The following CNTN2 variants were observed in gnomAD, a reference collection of about 807,000 sequenced individuals.
CNTN2 encodes contactin 2, also known as contactin-2.
In CNTN2, 53 loss-of-function variants were observed where a neutral mutation model predicts 117.5. That is an observed-to-expected ratio of 0.45 (90% confidence interval 0.36 to 0.57). CNTN2 has a LOEUF of 0.57. Ranked by LOEUF, CNTN2 falls within the 20% of genes least tolerant of loss-of-function variation. The pLI, the probability that CNTN2 is intolerant of heterozygous loss-of-function variation, is 0.00. For missense variants in CNTN2, 1,106 were observed against 1,404.3 expected (o/e 0.79, Z 3.39); for synonymous variants, 530 against 561.7 (o/e 0.94, Z 0.80).
At chr1:205,044,909 G>C (rs919461272) in intron 1 of CNTN2, among the ~76,000 whole-genome samples, 1 of 152,208 alleles carries the variant, frequency 6.6e-6, no homozygotes, top group Non-Finnish European at 1.5e-5. Context: ...GTGCCCACCA[G>C]TTAACCCCTT....
chr1:205,065,209 G>T lies in CNTN2; in HGVS notation c.1642G>T (p.Asp548Tyr). The change falls in exon 13 of 23, where the codon GAC becomes TAC. Residue 548 changes from aspartate to tyrosine, a missense_variant. Asp to Tyr is a radical substitution (Grantham distance 160). Coordinates refer to ENST00000331830, the MANE Select transcript of CNTN2 (RefSeq NM_005076.5). This position sits in a 1 kb window ranked among gnomAD's most constrained non-coding sequence, Gnocchi z 4.1. ...CCTCACCTTCACCTGGACCCTGGAC[G>T]ACTTCCCCATCGACTTTGATAAGCC... ...MDLTFTWTLD[D>Y]FPIDFDKPGG... The T allele has an allele frequency of 6.2e-7, 1 of 1,614,070 alleles. No homozygotes were observed. Among genetic ancestry groups the T allele is most frequent in the Non-Finnish European group, 8.5e-7 (1 of 1,180,018 alleles).
Position 205,053,893 on chromosome 1 carries a change from C to T in CNTN2, c.70+638C>T, listed in dbSNP as rs569649501. Among the ~76,000 whole-genome samples, 651 of 147,140 alleles carry T rather than the reference C, an allele frequency of 4.4e-3. 9 individuals are homozygous for T. Among genetic ancestry groups the T allele is most frequent in the African/African-American group, 0.015 (609 of 40,998 alleles). Reference sequence around the variant, plus strand: ...GGAAGAGATGCGGCAGACGAGGGAGCTGAGGTTCTCCTCCCAGGGGAGCTT... The same window carrying T: ...GGAAGAGATGCGGCAGACGAGGGAGTTGAGGTTCTCCTCCCAGGGGAGCTT... On this transcript the variant is annotated intron_variant, in intron 2 of 22. Coordinates refer to ENST00000331830, the MANE Select transcript of CNTN2 (RefSeq NM_005076.5).
rs764065990 is a variant in CNTN2, at chr1:205,058,366, G to T, written c.391+10G>T. ...ATCCTCCGCTTCGGCTGTGAGACCC[G>T]CGGGGGACCAAGACACTTTGGGGGA... On this transcript the variant is annotated intron_variant, in intron 4 of 22. Coordinates refer to ENST00000331830, the MANE Select transcript of CNTN2 (RefSeq NM_005076.5). The surrounding 1 kb of genome is among the most constrained non-coding windows in gnomAD (Gnocchi z 4.3). 2.6e-6 allele frequency: 4 copies of T among 1,530,140 alleles called. No homozygotes were observed. The highest frequency in any genetic ancestry group is 3.5e-6 in the Non-Finnish European group (4 of 1,136,702). The allele number at this position is 1,530,140 out of a possible 1,614,324, so 94.8% of individuals were successfully genotyped here.
Position 205,073,269 on chromosome 1 carries a change from G to A in CNTN2, c.3013+33G>A. The A allele has an allele frequency of 6.2e-7, 1 of 1,607,508 alleles. No homozygotes were observed. Among genetic ancestry groups the A allele is most frequent in the South Asian group, 1.1e-5 (1 of 90,582 alleles). On this transcript the variant is annotated intron_variant, in intron 22 of 22. Transcript: ENST00000331830. This position sits in a 1 kb window ranked among gnomAD's most constrained non-coding sequence, Gnocchi z 6.3. ...TCCTCCCCTACCCTTATCCCCTCGA[G>A]AGATTCAGGATCCACCCAGATACCT...
In CNTN2 at chr1:205,043,273, G is replaced by C. The variant is rs1447907647; in HGVS notation, c.-208G>C. 1 of 152,672 alleles carries C rather than the reference G, an allele frequency of 6.5e-6. No individual in the cohort carries two copies. The highest frequency in any genetic ancestry group is 2.4e-5 in the African/African-American group (1 of 41,440). 9.5% of individuals were successfully genotyped at this position (152,672 alleles called of 1,614,324 possible). A position where few individuals can be genotyped will look rare whatever the true frequency, so the allele number is the denominator to read the frequency against. ...CCGCCGCCGCACCCGGACAGCGAGC[G>C]GCTGAGGCCGCCAGGGCCCAAAGGA... On this transcript the variant is annotated 5_prime_UTR_variant, in exon 1 of 23. Coordinates refer to ENST00000331830, the MANE Select transcript of CNTN2 (RefSeq NM_005076.5).
At position 205,074,515 on chromosome 1, in the gene CNTN2, C is replaced by G. The variant is rs778011245; in HGVS notation, c.*750C>G. 5.3e-5 allele frequency: 21 copies of G among 398,162 alleles called. No individual in the cohort carries two copies. The highest frequency in any genetic ancestry group is 8.8e-5 in the Non-Finnish European group (20 of 226,118). 24.7% of individuals were successfully genotyped at this position (398,162 alleles called of 1,614,324 possible). A position where few individuals can be genotyped will look rare whatever the true frequency, so the allele number is the denominator to read the frequency against. On this transcript the variant is annotated 3_prime_UTR_variant, in exon 23 of 23. Transcript: ENST00000331830. ...GTCACAACCCAGGTGACGATGCCCT[C>G]TCAGCCAACACTGCCAACCTGACCC...
intron 2 of CNTN2, among the ~76,000 whole-genome samples, chr1:205,055,035 A>G (rs1173893263): frequency 6.6e-6 from 1 of 151,700 alleles, no homozygotes. Context: ...TGTTTTTGAG[A>G]TGGAGTCTTA....
At chr1:205,054,973 G>A (rs139835681) in intron 2 of CNTN2, among the ~76,000 whole-genome samples, 11 of 152,224 alleles carry the variant, frequency 7.2e-5, no homozygotes, top group African/African-American at 1.7e-4. Flanking sequence ...GGCTGGCCTC[G>A]CCTGGGAGAG....
At position 205,062,448 on chromosome 1, in the gene CNTN2, G is replaced by A. The variant is rs370954288; in HGVS notation, c.1119G>A (p.Val373=). ...NGEPLASQNR[V]EVLAGDLRFS... ...TGGGCTCTTCTGCACAGAACCGGGT[G>A]GAGGTGTTGGCTGGGGACCTGCGGT... Residue 373 remains valine (V), a synonymous_variant, in exon 10 of 23, where the codon GTG becomes GTA. Coordinates refer to ENST00000331830, the MANE Select transcript of CNTN2 (RefSeq NM_005076.5). 6.2e-7 allele frequency: 1 copy of A among 1,613,400 alleles called. No homozygotes were observed. The highest frequency in any genetic ancestry group is 8.5e-7 in the Non-Finnish European group (1 of 1,179,670).
chr1:205,069,867 A>G lies in CNTN2; in HGVS notation c.2237A>G (p.Tyr746Cys), dbSNP rs1574659236. 2 of 1,613,834 alleles carry G rather than the reference A, an allele frequency of 1.2e-6. No individual in the cohort carries two copies. The highest frequency in any genetic ancestry group is 4.5e-5 in the East Asian group (2 of 44,878). The change falls in exon 18 of 23, where the codon TAC becomes TGC. Residue 746 changes from tyrosine to cysteine, a missense_variant. By Grantham distance (194) the Tyr-to-Cys change is radical. Transcript: ENST00000331830. The stretch of plus-strand genomic sequence containing the variant: ...TACCAGAACGGAGACGGCTTCGGCT[A>G]CCTGCTGTCCTTCCGCAGGCAGGGC... ...REYQNGDGFG[Y>C]LLSFRRQGST...
Position 205,061,301 on chromosome 1 carries a change from C to T in CNTN2, c.854C>T (p.Thr285Ile), listed in dbSNP as rs772963027. ...KVDGSLSPQW[T>I]TAEPTLQIPS... is the part of the protein sequence containing the mutation. ...GACGGCTCCCTGTCCCCGCAGTGGA[C>T]CACAGCTGAGCCCACCCTGCAGATC... Residue 285 changes from threonine (T) to isoleucine (I), a missense_variant, in exon 8 of 23, where the codon ACC becomes ATC. Transcript: ENST00000331830. The surrounding 1 kb of genome is among the most constrained non-coding windows in gnomAD (Gnocchi z 4.8). The T allele has an allele frequency of 4.3e-6, 7 of 1,614,144 alleles. No individual in the cohort carries two copies. The Admixed American group carries it at 8.3e-5, about 19-fold the overall frequency.
At chr1:205,062,091 A>G (rs1282205451) in intron 9 of CNTN2, 90 bp downstream of exon 9, 6 of 1,499,056 alleles carry the variant, frequency 4.0e-6, no homozygotes, top group Non-Finnish European at 5.4e-6. Flanking sequence ...CTGCACCACT[A>G]GTAGCCCCTC....
At chr1:205,064,126 A>G (rs1054555817) in intron 10 of CNTN2, among the ~76,000 whole-genome samples, 196 bp from the exon 11 acceptor site, 298 of 93,984 alleles carry the variant, frequency 3.2e-3, no homozygotes, top group Non-Finnish European at 4.4e-3. Flanking sequence ...TGAGGGGCGG[A>G]GGGGGGGCGC....
chr1:205,073,299 G>T lies in CNTN2; in HGVS notation c.3013+63G>T. On this transcript the variant is annotated intron_variant, in intron 22 of 22. Transcript: ENST00000331830. This position sits in a 1 kb window ranked among gnomAD's most constrained non-coding sequence, Gnocchi z 6.3. Reference sequence around the variant, plus strand: ...TCAGGATCCACCCAGATACCTGAGAGGATCATTCCCACCCAGGCCAACTCC... The same window carrying T: ...TCAGGATCCACCCAGATACCTGAGATGATCATTCCCACCCAGGCCAACTCC... The T allele has an allele frequency of 6.4e-7, 1 of 1,570,624 alleles. No individual in the cohort carries two copies. The highest frequency in any genetic ancestry group is 1.2e-5 in the South Asian group (1 of 86,474).
rs1574664937 is a variant in CNTN2 at position 205,073,526 on chromosome 1, A to C, written c.3014-130A>C. The C allele has an allele frequency of 1.2e-6, 1 of 843,378 alleles. No individual in the cohort carries two copies. The highest frequency in any genetic ancestry group is 1.9e-6 in the Non-Finnish European group (1 of 532,862). 52.2% of individuals were successfully genotyped at this position (843,378 alleles called of 1,614,324 possible). On this transcript the variant is annotated intron_variant, in intron 22 of 22. Coordinates refer to ENST00000331830, the MANE Select transcript of CNTN2 (RefSeq NM_005076.5). The surrounding 1 kb of genome is among the most constrained non-coding windows in gnomAD (Gnocchi z 6.3). ...GCACCGTAGGAGTCGGACTGAGAAG[A>C]CCACCCAGCCGTCCGCTCCCAGGCC... is the stretch of plus-strand genomic sequence containing the variant.
At position 205,070,033 on chromosome 1, in the gene CNTN2, C is replaced by G; in HGVS notation, c.2403C>G (p.Leu801=). 1 of 1,613,822 alleles carries G rather than the reference C, an allele frequency of 6.2e-7. No individual in the cohort carries two copies. Among genetic ancestry groups the G allele is most frequent in the Non-Finnish European group, 8.5e-7 (1 of 1,180,038 alleles). The change falls in exon 18 of 23, where the codon CTC becomes CTG. Residue 801 remains leucine, a synonymous_variant. Transcript: ENST00000331830. ...GCCGCGGGGATGGGCCCGAGAGCCT[C>G]ACTGCACTCGTGTACTCAGCTGAGG... ...YNRRGDGPES[L]TALVYSAEEE... is the part of the protein sequence containing the mutation.
chr1:205,073,859 C>A lies in CNTN2; in HGVS notation c.*94C>A. On this transcript the variant is annotated 3_prime_UTR_variant, in exon 23 of 23. Coordinates refer to ENST00000331830, the MANE Select transcript of CNTN2 (RefSeq NM_005076.5). This position sits in a 1 kb window ranked among gnomAD's most constrained non-coding sequence, Gnocchi z 6.3. ...CTGCCAAGGTGGCCTGACACTGTGC[C>A]AGAGAGTGGCTGGTTTTAAATACCT... 1 of 981,280 alleles carries A rather than the reference C, an allele frequency of 1.0e-6. No homozygotes were observed. Among genetic ancestry groups the A allele is most frequent in the Non-Finnish European group, 1.6e-6 (1 of 635,766 alleles). 60.8% of individuals were successfully genotyped at this position (981,280 alleles called of 1,614,324 possible).
rs1457659460 is a variant in CNTN2, at chr1:205,069,786, A to G, written c.2197-41A>G. On this transcript the variant is annotated intron_variant, in intron 17 of 22. Transcript: ENST00000331830. Reference sequence around the variant, plus strand: ...GGGGCCAGGGAACGGGCAGGGACACATGCCGCGGACCCTCGCCCATGCCAT... The same window carrying G: ...GGGGCCAGGGAACGGGCAGGGACACGTGCCGCGGACCCTCGCCCATGCCAT... The G allele has an allele frequency of 2.5e-6, 4 of 1,588,268 alleles. No homozygotes were observed. In the African/African-American group the frequency reaches 4.0e-5, roughly 16 times the overall value.
In CNTN2 at chr1:205,043,389, C is replaced by T. The variant is rs1388310584; in HGVS notation, c.-92C>T. Reference sequence around the variant, plus strand: ...TGCCCCAGCCAACACCCTTCTCTCGCCCCAGGTAGGTGCCAACCGCTTTTG... The same window carrying T: ...TGCCCCAGCCAACACCCTTCTCTCGTCCCAGGTAGGTGCCAACCGCTTTTG... On this transcript the variant is annotated 5_prime_UTR_variant, in exon 1 of 23. Transcript: ENST00000331830. 1 of 152,476 alleles carries T rather than the reference C, an allele frequency of 6.6e-6. No individual in the cohort carries two copies. The allele number at this position is 152,476 out of a possible 1,614,324, so 9.4% of individuals were successfully genotyped here.
Sources: gnomAD v4.1 joint callset for allele counts (sites outside exome capture counted in the v4.1 genomes callset) on GRCh38, gnomAD v4.1.1 for gene constraint, Gnocchi (gnomAD v3.1) non-coding constraint, MANE v1.5 for transcripts, NCBI Gene and HGNC (gene_info 2026-07-23, HGNC 2026-07-21) for gene names.